MTSS1: variants seen among roughly 807,000 people sequenced by gnomAD.
MTSS1 encodes the protein protein MTSS 1.
A neutral mutation model predicts 79.0 loss-of-function variants in MTSS1; 18 were observed. That is an observed-to-expected ratio of 0.23 (90% CI 0.16 to 0.34). MTSS1 has a LOEUF of 0.34. Ranked by LOEUF, MTSS1 falls within the 10% of genes least tolerant of loss-of-function variation. The probability of loss-of-function intolerance (pLI) is 1.00; values close to 1 mark genes in which losing one functional copy is unlikely to be tolerated. For missense variants in MTSS1, 815 were observed against 986.2 expected (o/e 0.83, Z 2.33); for synonymous variants, 341 against 368.6 (o/e 0.93, Z 0.86).
At chr8:124,680,808 T>C (rs1563987098) in intron 3 of MTSS1, among the ~76,000 whole-genome samples, 1 of 152,174 alleles carries the variant, frequency 6.6e-6, no homozygotes, top group Non-Finnish European at 1.5e-5. Flanking sequence ...GCAAAACAGG[T>C]AAGGCTTTGA....
intron 5 of MTSS1, among the ~76,000 whole-genome samples, chr8:124,587,281 G>A (rs1227922885): frequency 6.6e-6 from 1 of 152,094 alleles, no homozygotes; most frequent in Non-Finnish European, 1.5e-5. Flanking sequence ...AACACAAAGT[G>A]AATTGGGCCA....
intron 3 of MTSS1, among the ~76,000 whole-genome samples, chr8:124,638,043 T>C (rs184263628): frequency 5.2e-5 from 8 of 152,382 alleles, no homozygotes; most frequent in South Asian, 4.1e-4. Context: ...CTTTAATGTA[T>C]AGAAGAATCA....
intron 1 of MTSS1, among the ~76,000 whole-genome samples, chr8:124,717,546 G>C (rs113351636): frequency 2.0e-5 from 3 of 147,766 alleles, no homozygotes; most frequent in Admixed American, 2.0e-4. Context: ...AGCGAGCCAA[G>C]ATTGCACCAC....
rs558107287 is a variant in MTSS1 at position 124,710,406 on chromosome 8, A to G, written c.73-6215T>C. On this transcript the variant is annotated intron_variant, in intron 1 of 13. Transcript: ENST00000518547. ...AAAAAGGCCTCCTAAATCTCCTTCA[A>G]CTGAAGAGTTTGGTGGCCACCTAAA... Among the ~76,000 whole-genome samples the G allele has an allele frequency of 5.9e-5, 9 of 151,508 alleles. No individual in the cohort carries two copies. In the South Asian group the frequency reaches 1.9e-3, roughly 32 times the overall value.
intron 3 of MTSS1, among the ~76,000 whole-genome samples, chr8:124,659,330 T>C (rs1331316744): frequency 6.6e-6 from 1 of 152,230 alleles, no homozygotes; most frequent in African/African-American, 2.4e-5. Flanking sequence ...TGAGAATTTA[T>C]AGTTTATTAA....
chr8:124,661,390 C>T (rs565446538), intron 3 of MTSS1, among the ~76,000 whole-genome samples: 1 of 151,852 alleles, frequency 6.6e-6, no homozygotes, highest in East Asian at 1.9e-4. Flanking sequence ...CTGATTATTA[C>T]AGGATCTAGA....
intron 3 of MTSS1, among the ~76,000 whole-genome samples, chr8:124,689,460 T>C (rs1007015220): frequency 6.6e-6 from 1 of 151,662 alleles, no homozygotes; most frequent in African/African-American, 2.4e-5. Flanking sequence ...AAAAAAAAAT[T>C]CTTGGCTGGG....
chr8:124,689,050 A>G (rs1186565938), intron 3 of MTSS1, among the ~76,000 whole-genome samples: 1 of 152,098 alleles, frequency 6.6e-6, no homozygotes, highest in Non-Finnish European at 1.5e-5. Context: ...ATACAAATCT[A>G]ATGTCTTTAA....
At chr8:124,684,175 C>G (rs1336669401) in intron 3 of MTSS1, among the ~76,000 whole-genome samples, 1 of 152,094 alleles carries the variant, frequency 6.6e-6, no homozygotes, top group Non-Finnish European at 1.5e-5. Flanking sequence ...TTTTTAGTGT[C>G]TGATACCACG....
chr8:124,663,684 C>T (rs1374725718), intron 3 of MTSS1, among the ~76,000 whole-genome samples: 1 of 152,242 alleles, frequency 6.6e-6, no homozygotes, highest in African/African-American at 2.4e-5. Context: ...ACCTCCTCTG[C>T]AGACCCTCCA....
chr8:124,654,843 C>A (rs1388956178), intron 3 of MTSS1, among the ~76,000 whole-genome samples: 1 of 152,146 alleles, frequency 6.6e-6, no homozygotes, highest in Non-Finnish European at 1.5e-5. Context: ...TATCTTCTGT[C>A]TACTTTAGCA....
At chr8:124,571,312 C>T (rs1436560917) in intron 6 of MTSS1, among the ~76,000 whole-genome samples, 3 of 152,214 alleles carry the variant, frequency 2.0e-5, no homozygotes, top group East Asian at 1.9e-4. Context: ...TTTTAAAATG[C>T]TGGCTAGTGC....
chr8:124,630,150 A>G (rs937766911), intron 3 of MTSS1, among the ~76,000 whole-genome samples: 3 of 151,940 alleles, frequency 2.0e-5, no homozygotes, highest in African/African-American at 7.3e-5. Flanking sequence ...ACTTCCCTCT[A>G]CCTCCCCTGG....
chr8:124,554,902 GA>G (rs2131720354), intron 13 of MTSS1, among the ~76,000 whole-genome samples: 1 of 152,308 alleles, frequency 6.6e-6, no homozygotes, highest in South Asian at 2.1e-4. Context: ...GGAGTGCAGT[GA>G]TGCAGTCATG....
intron 1 of MTSS1, among the ~76,000 whole-genome samples, chr8:124,718,305 G>A (rs1832402153): frequency 6.6e-6 from 1 of 151,088 alleles, no homozygotes; most frequent in Non-Finnish European, 1.5e-5. Context: ...GACTTAATTA[G>A]GGTGTTCCTA....
intron 3 of MTSS1, among the ~76,000 whole-genome samples, chr8:124,656,179 C>G (rs539149642): frequency 6.6e-6 from 1 of 152,206 alleles, no homozygotes; most frequent in South Asian, 2.1e-4. Flanking sequence ...GACTCACTAA[C>G]TTGTCCAACA....
At chr8:124,559,615 C>T (rs4489311) in intron 10 of MTSS1, among the ~76,000 whole-genome samples, 53,548 of 152,034 alleles carry the variant, frequency 0.35, 10,391 homozygotes, top group Non-Finnish European at 0.45. Flanking sequence ...CCACGGCATG[C>T]GCTCCCAGTC....
chr8:124,607,134 G>A (rs1013318392), intron 3 of MTSS1, among the ~76,000 whole-genome samples: 1 of 152,190 alleles, frequency 6.6e-6, no homozygotes, highest in Non-Finnish European at 1.5e-5. Context: ...GCCAAGCTTC[G>A]CGTTCTACGC....
In MTSS1 at chr8:124,683,318, T is replaced by A. The variant is rs1826436552; in HGVS notation, c.208+16208A>T. Among the ~76,000 whole-genome samples, 1 of 152,164 alleles carries A rather than the reference T, an allele frequency of 6.6e-6. No individual in the cohort carries two copies. The highest frequency in any genetic ancestry group is 2.1e-4 in the South Asian group (1 of 4,824). On this transcript the variant is annotated intron_variant, in intron 3 of 13. Coordinates refer to ENST00000518547, the MANE Select transcript of MTSS1 (RefSeq NM_014751.6). The surrounding 1 kb of genome is among the most constrained non-coding windows in gnomAD (Gnocchi z 4.5). Reference sequence around the variant, plus strand: ...CCCAAAATCCTCATTCAAGGAATTGTGAACAGAAACAAAGTCTTACAATAG... The same window carrying A: ...CCCAAAATCCTCATTCAAGGAATTGAGAACAGAAACAAAGTCTTACAATAG...
Sources: gnomAD v4.1 joint callset for allele counts (sites outside exome capture counted in the v4.1 genomes callset) on GRCh38, gnomAD v4.1.1 for gene constraint, Gnocchi (gnomAD v3.1) non-coding constraint, MANE v1.5 for transcripts, NCBI Gene and HGNC (gene_info 2026-07-23, HGNC 2026-07-21) for gene names.